The following SUSD1 variants were observed in gnomAD, a reference collection of about 807,000 sequenced individuals.
SUSD1 encodes sushi domain-containing protein 1.
In SUSD1, 65 loss-of-function variants were observed where a neutral mutation model predicts 86.9. The ratio of observed to expected loss-of-function variants is 0.75; its 90% confidence interval spans 0.61 to 0.92. The LOEUF (loss-of-function observed/expected upper bound fraction) is 0.92, where lower values mean the gene tolerates loss of function less well. Ranked by LOEUF, SUSD1 falls within the 40% of genes least tolerant of loss-of-function variation. The pLI, the probability that SUSD1 is intolerant of heterozygous loss-of-function variation, is 0.00. For synonymous variants in SUSD1, 346 were observed against 350.0 expected (o/e 0.99, Z 0.13); for missense variants, 850 against 929.7 (o/e 0.91, Z 1.11).
intron 2 of SUSD1, among the ~76,000 whole-genome samples, chr9:112,152,569 AT>A (rs57257840): frequency 0.045 from 5,478 of 122,602 alleles, 326 homozygotes; most frequent in African/African-American, 0.16. Context: ...TGCCTGGATA[AT>A]TTTTTTTTTT....
intron 12 of SUSD1, among the ~76,000 whole-genome samples, chr9:112,068,867 G>A (rs549270356): frequency 6.6e-6 from 1 of 152,160 alleles, no homozygotes; most frequent in Non-Finnish European, 1.5e-5. Flanking sequence ...ATGGAGAAGA[G>A]GGAACAAACG....
intron 10 of SUSD1, among the ~76,000 whole-genome samples, chr9:112,087,570 T>C (rs1830038178): frequency 6.6e-6 from 1 of 151,604 alleles, no homozygotes; most frequent in African/African-American, 2.4e-5. Context: ...ATAATGAAAA[T>C]ACAAAATCAC....
intron 8 of SUSD1, among the ~76,000 whole-genome samples, 185 bp from the exon 9 acceptor site, chr9:112,102,470 A>G (rs1238600683): frequency 1.3e-5 from 2 of 152,210 alleles, no homozygotes; most frequent in Non-Finnish European, 2.9e-5. Context: ...AATTGTAATT[A>G]CCTTAGCTAA....
At chr9:112,165,944 AG>A (rs1405396108) in intron 1 of SUSD1, among the ~76,000 whole-genome samples, 1 of 137,310 alleles carries the variant, frequency 7.3e-6, no homozygotes, top group Non-Finnish European at 1.6e-5. Flanking sequence ...GAAAGAAAGA[AG>A]AAAGAAAGAA....
At chr9:112,063,631 A>G (rs970738092) in intron 12 of SUSD1, among the ~76,000 whole-genome samples, 1 of 152,164 alleles carries the variant, frequency 6.6e-6, no homozygotes, top group African/African-American at 2.4e-5. Flanking sequence ...GCCCCCAGCA[A>G]CAAGATTTCC....
intron 1 of SUSD1, among the ~76,000 whole-genome samples, chr9:112,166,163 G>C (rs1833820959): frequency 6.6e-6 from 1 of 152,172 alleles, no homozygotes; most frequent in Non-Finnish European, 1.5e-5. Flanking sequence ...AAGAAATACA[G>C]GCAGGGGTGC....
intron 1 of SUSD1, among the ~76,000 whole-genome samples, chr9:112,172,589 C>T (rs915194452): frequency 2.0e-5 from 3 of 152,224 alleles, no homozygotes; most frequent in Non-Finnish European, 1.5e-5. Flanking sequence ...ATGTCCAAAA[C>T]AACTAATCAT....
intron 15 of SUSD1, among the ~76,000 whole-genome samples, chr9:112,042,775 T>C (rs1382839995): frequency 6.6e-6 from 1 of 152,190 alleles, no homozygotes; most frequent in African/African-American, 2.4e-5. Context: ...TATTATTCCC[T>C]TAAGGAACCA....
rs572570506 is a variant in SUSD1, at chr9:112,078,882, C to T, written c.1567-158G>A. On this transcript the variant is annotated intron_variant, in intron 11 of 16. Transcript: ENST00000374270. ...ATGCTGGAGTGCAGTGGCATGACCTCGGCTCACTGCAGCCTCAACCTCCCA... is the reference window on the plus strand; with the variant it reads ...ATGCTGGAGTGCAGTGGCATGACCTTGGCTCACTGCAGCCTCAACCTCCCA... Among the ~76,000 whole-genome samples the T allele has an allele frequency of 9.0e-5, 13 of 144,732 alleles. No homozygotes were observed. In the South Asian group the frequency reaches 1.7e-3, roughly 19 times the overall value. The allele number at this position is 144,732 out of a possible 152,430, so 94.9% of individuals were successfully genotyped here. A position where few individuals can be genotyped will look rare whatever the true frequency, so the allele number is the denominator to read the frequency against.
chr9:112,108,774 C>CA (rs11312103), intron 8 of SUSD1, among the ~76,000 whole-genome samples: 3,673 of 68,278 alleles, frequency 0.054, 147 homozygotes, highest in East Asian at 0.18. Flanking sequence ...CTGGGTGTCT[C>CA]AAAAAAAAAA....
At chr9:112,047,366 A>G (rs527705769) in intron 15 of SUSD1, among the ~76,000 whole-genome samples, 1 of 152,252 alleles carries the variant, frequency 6.6e-6, no homozygotes, top group South Asian at 2.1e-4. Context: ...ACAATTCGAC[A>G]TGAGATTTGG....
In SUSD1 at chr9:112,175,184, A is replaced by G; in HGVS notation, c.52T>C (p.Leu18=). ...AGPSRRLLPL[L]LLLGLARGAA... is the part of the protein sequence containing the mutation. ...CCGCGGGCCAGGCCGAGCAGCAGCA[A>G]CAGCGGCAGCAGGCGGCGAGACGGG... The change falls in exon 1 of 17, where the codon TTG becomes CTG. Residue 18 remains leucine, a synonymous_variant. Transcript: ENST00000374270. This position sits in a 1 kb window ranked among gnomAD's most constrained non-coding sequence, Gnocchi z 4.7. 8.8e-7 allele frequency: 1 copy of G among 1,142,286 alleles called. No individual in the cohort carries two copies. The highest frequency in any genetic ancestry group is 1.1e-6 in the Non-Finnish European group (1 of 932,930). 70.8% of individuals were successfully genotyped at this position (1,142,286 alleles called of 1,614,324 possible). A position where few individuals can be genotyped will look rare whatever the true frequency, so the allele number is the denominator to read the frequency against.
chr9:112,142,886 A>G (rs1340040495), intron 4 of SUSD1, among the ~76,000 whole-genome samples: 3 of 149,142 alleles, frequency 2.0e-5, no homozygotes, highest in African/African-American at 7.4e-5. Context: ...ATTGGCATTT[A>G]CTATCTAACA....
chr9:112,141,783 TATTACA>T (rs1483301044), intron 5 of SUSD1, among the ~76,000 whole-genome samples: 11 of 146,566 alleles, frequency 7.5e-5, no homozygotes, highest in Non-Finnish European at 1.3e-4. Flanking sequence ...ACATGTAATA[TATTACA>T]TATATTGTAT....
At chr9:112,056,793 G>A (rs976755246) in intron 14 of SUSD1, among the ~76,000 whole-genome samples, 1 of 151,916 alleles carries the variant, frequency 6.6e-6, no homozygotes, top group African/African-American at 2.4e-5. Context: ...TCTCAGCTCA[G>A]TGCAACATCT....
intron 6 of SUSD1, among the ~76,000 whole-genome samples, chr9:112,115,691 T>C (rs1831282560): frequency 6.6e-6 from 1 of 150,670 alleles, no homozygotes; most frequent in East Asian, 1.9e-4. Flanking sequence ...TACCTATAAT[T>C]CCAGCTACTT....
chr9:112,056,024 G>C (rs1317051685), intron 14 of SUSD1, among the ~76,000 whole-genome samples: 1 of 152,212 alleles, frequency 6.6e-6, no homozygotes, highest in Non-Finnish European at 1.5e-5. Context: ...ACTTTGGGAG[G>C]TCAAGGTGGG....
chr9:112,174,159 C>A (rs1016736023), intron 1 of SUSD1, among the ~76,000 whole-genome samples: 1 of 152,156 alleles, frequency 6.6e-6, no homozygotes, highest in Admixed American at 6.5e-5. Flanking sequence ...CTCCCCCGGG[C>A]CTGAATTCTG....
At chr9:112,050,084 T>C (rs1304233742) in intron 15 of SUSD1, among the ~76,000 whole-genome samples, 6 of 152,214 alleles carry the variant, frequency 3.9e-5, no homozygotes, top group Non-Finnish European at 8.8e-5. Flanking sequence ...AGCTTTGTCA[T>C]CTTAATTATT....
Sources: gnomAD v4.1 joint callset for allele counts (sites outside exome capture counted in the v4.1 genomes callset) on GRCh38, gnomAD v4.1.1 for gene constraint, Gnocchi (gnomAD v3.1) non-coding constraint, MANE v1.5 for transcripts, NCBI Gene and HGNC (gene_info 2026-07-23, HGNC 2026-07-21) for gene names.